The following PROCR variants were observed in gnomAD, a reference collection of about 807,000 sequenced individuals.
PROCR encodes endothelial protein C receptor.
Under a neutral mutation model 24.2 loss-of-function variants are expected in PROCR, and 22 were observed. The observed-to-expected ratio is 0.91, with a 90% CI of 0.65 to 1.30. The LOEUF (loss-of-function observed/expected upper bound fraction) is 1.30. PROCR is among the 50% of genes most tolerant of loss of function. The pLI is 0.00. For synonymous variants in PROCR, 137 were observed against 139.2 expected (o/e 0.98, Z 0.11); for missense variants, 288 against 307.7 (o/e 0.94, Z 0.48).
chr20:35,182,395 G>A (rs1346241203), intron 1 of PROCR, among the ~76,000 whole-genome samples: 1 of 151,742 alleles, frequency 6.6e-6, no homozygotes, highest in East Asian at 1.9e-4. Flanking sequence ...AACCTCCTGG[G>A]CTCAAAAAAC....
intron 1 of PROCR, among the ~76,000 whole-genome samples, chr20:35,207,848 T>C (rs1338875852): frequency 3.9e-5 from 6 of 152,114 alleles, no homozygotes; most frequent in East Asian, 3.9e-4. Context: ...ACTGTCTTCA[T>C]CTCTGTTAAC....
At chr20:35,191,092 T>G (rs1003572402) in intron 1 of PROCR, among the ~76,000 whole-genome samples, 8 of 152,134 alleles carry the variant, frequency 5.3e-5, no homozygotes, top group Non-Finnish European at 7.4e-5. Flanking sequence ...TCTCTTGACC[T>G]CATGATCCAC....
At chr20:35,191,874 T>A (rs1180077343) in intron 1 of PROCR, among the ~76,000 whole-genome samples, 2 of 152,144 alleles carry the variant, frequency 1.3e-5, no homozygotes, top group Non-Finnish European at 2.9e-5. Context: ...TGACTTGCAT[T>A]TGAAAAGCAT....
intron 1 of PROCR, among the ~76,000 whole-genome samples, chr20:35,190,574 C>T (rs78975398): frequency 0.017 from 2,571 of 152,156 alleles, 37 homozygotes; most frequent in Non-Finnish European, 0.025. Flanking sequence ...TTCTTATTTC[C>T]TTAAACATGG....
intron 1 of PROCR, among the ~76,000 whole-genome samples, chr20:35,213,932 G>C (rs762520734): frequency 1.6e-4 from 23 of 145,690 alleles, no homozygotes; most frequent in Non-Finnish European, 3.1e-4. Context: ...AAAAATAGCT[G>C]GGCTTTGTGG....
At chr20:35,203,496 A>C (rs2060326531) in intron 1 of PROCR, among the ~76,000 whole-genome samples, 1 of 152,024 alleles carries the variant, frequency 6.6e-6, no homozygotes, top group South Asian at 2.1e-4. Flanking sequence ...GCGCGCCTGT[A>C]ATCTCAGCTA....
chr20:35,174,095 GATA>G (rs2085980329), intron 1 of PROCR, among the ~76,000 whole-genome samples: 1 of 152,198 alleles, frequency 6.6e-6, no homozygotes, highest in South Asian at 2.1e-4. Context: ...AAGGCACAAA[GATA>G]ATAATGTATG....
chr20:35,197,070 T>C (rs986521278), intron 1 of PROCR, among the ~76,000 whole-genome samples: 1 of 152,242 alleles, frequency 6.6e-6, no homozygotes, highest in Admixed American at 6.5e-5. Flanking sequence ...CAACAGTATA[T>C]GTTCACTTCC....
chr20:35,195,888 T>C (rs2086211736), intron 1 of PROCR, among the ~76,000 whole-genome samples: 2 of 149,662 alleles, frequency 1.3e-5, no homozygotes, highest in South Asian at 2.1e-4. Context: ...TTTAGATATA[T>C]ATTAAAAATA....
chr20:35,180,563 T>C (rs777997065), downstream of PROCR, among the ~76,000 whole-genome samples: 159 of 152,194 alleles, frequency 1.0e-3, 3 homozygotes, highest in Non-Finnish European at 3.4e-4. Context: ...CTTTGTCAGA[T>C]CTGCATTGCC....
chr20:35,195,729 G>C (rs2047430027), intron 1 of PROCR, among the ~76,000 whole-genome samples: 1 of 150,854 alleles, frequency 6.6e-6, no homozygotes, highest in South Asian at 2.1e-4. Flanking sequence ...GCTGAGGCAG[G>C]AGAATCACTT....
At position 35,199,400 on chromosome 20, in the gene PROCR, A is replaced by G. The variant is rs979612667; in HGVS notation, c.95-16493A>G. 2.0e-5 allele frequency among the ~76,000 whole-genome samples: 3 copies of G among 152,266 alleles called. No homozygotes were observed. In the South Asian group the frequency reaches 6.2e-4, roughly 32 times the overall value. On this transcript the variant is annotated intron_variant, in intron 1 of 1. Coordinates refer to the PROCR transcript ENST00000634509. ...TCAGGTTGTTTTCATGCTTGCTAAC[A>G]CATCATTCATTCTGCAGTCCATGGA...
chr20:35,179,903 T>C (rs2086061826), downstream of PROCR, among the ~76,000 whole-genome samples: 1 of 152,182 alleles, frequency 6.6e-6, no homozygotes, highest in African/African-American at 2.4e-5. Context: ...TTCCTCTCTT[T>C]CTTTGTGGTA....
intron 1 of PROCR, among the ~76,000 whole-genome samples, chr20:35,192,346 C>T (rs2086180258): frequency 6.6e-6 from 1 of 152,066 alleles, no homozygotes; most frequent in South Asian, 2.1e-4. Context: ...CAGGTTTATT[C>T]TGAATAAACT....
At chr20:35,174,458 A>G (rs545320237) in intron 1 of PROCR, 4 of 563,336 alleles carry the variant, frequency 7.1e-6, no homozygotes, top group South Asian at 6.0e-5. Flanking sequence ...AGGAGGCAGA[A>G]AGGAGTGTCT....
At chr20:35,200,968 C>A (rs1292235937) in intron 1 of PROCR, among the ~76,000 whole-genome samples, 2 of 152,056 alleles carry the variant, frequency 1.3e-5, no homozygotes, top group Non-Finnish European at 2.9e-5. Flanking sequence ...CTTATATATG[C>A]ACTGGGAAAC....
chr20:35,204,982 T>A (rs2060332516), intron 1 of PROCR, among the ~76,000 whole-genome samples: 1 of 151,940 alleles, frequency 6.6e-6, no homozygotes, highest in Non-Finnish European at 1.5e-5. Flanking sequence ...TGGTGTAACA[T>A]TCAAAAATAG....
At chr20:35,207,556 G>A (rs1260086019) in intron 1 of PROCR, among the ~76,000 whole-genome samples, 1 of 133,200 alleles carries the variant, frequency 7.5e-6, no homozygotes, top group Non-Finnish European at 1.7e-5. Context: ...TTGAGATGGA[G>A]TCTTACTCTG....
chr20:35,180,601 A>G (rs1437429837), downstream of PROCR, among the ~76,000 whole-genome samples: 1 of 151,952 alleles, frequency 6.6e-6, no homozygotes, highest in Non-Finnish European at 1.5e-5. Flanking sequence ...GCTCAGCCCT[A>G]CTTCTTCCCC....
Sources: allele counts gnomAD v4.1 joint callset (sites outside exome capture counted in the v4.1 genomes callset), GRCh38; gene constraint gnomAD v4.1.1; transcripts MANE v1.5; gene names NCBI Gene and HGNC (gene_info 2026-07-23, HGNC 2026-07-21).